GPI: variants seen among roughly 807,000 people sequenced by gnomAD.
GPI encodes D-hexose-6-phosphate anomerase.
GPI carries 56 observed loss-of-function variants against 75.8 expected under a neutral mutation model. That is an observed-to-expected ratio of 0.74 (90% CI 0.60 to 0.92). The LOEUF (loss-of-function observed/expected upper bound fraction) is 0.92. Among genes scored for constraint, GPI ranks in the 40% least tolerant of loss-of-function variants. GPI has a pLI of 0.00. For synonymous variants in GPI, 288 were observed against 285.4 expected (o/e 1.01, Z -0.09); for missense variants, 638 against 741.0 (o/e 0.86, Z 1.61).
At chr19:34,362,231 G>A (rs1300296066), upstream of GPI, among the ~76,000 whole-genome samples, 1 of 152,106 alleles carries the variant, frequency 6.6e-6, no homozygotes, top group Admixed American at 6.6e-5. Context: ...AGGTTGCAGG[G>A]AAGCAGAGGT....
intron 9 of GPI, among the ~76,000 whole-genome samples, chr19:34,383,656 G>A (rs2074688972): frequency 6.6e-6 from 1 of 152,188 alleles, no homozygotes; most frequent in African/African-American, 2.4e-5. Flanking sequence ...GAGCCCAGAT[G>A]CGGGAGAGGT....
intron 14 of GPI, chr19:34,397,795 C>T (rs2074966676): frequency 6.7e-6 from 1 of 150,356 alleles, no homozygotes; most frequent in Non-Finnish European, 1.5e-5. Flanking sequence ...GCATGAGCTA[C>T]CGTGCCTGGC....
rs1027864702 is a variant in GPI, at chr19:34,385,988, C to T, written c.804+4469C>T. On this transcript the variant is annotated intron_variant, in intron 9 of 17. Transcript: ENST00000356487. ...CAACTACAGGTAGGTAGAGCTGGCCCACTGGGTGTGGTTTGAGGAGCCAGG... is the reference window on the plus strand; with the variant it reads ...CAACTACAGGTAGGTAGAGCTGGCCTACTGGGTGTGGTTTGAGGAGCCAGG... Among the ~76,000 whole-genome samples, 4 of 149,440 alleles carry T rather than the reference C, an allele frequency of 2.7e-5. No individual in the cohort carries two copies. In the East Asian group the frequency reaches 8.1e-4, roughly 30 times the overall value.
At chr19:34,369,432 C>T (rs1260047725) in intron 4 of GPI, among the ~76,000 whole-genome samples, 1 of 152,060 alleles carries the variant, frequency 6.6e-6, no homozygotes, top group Admixed American at 6.6e-5. Context: ...CCTGGCTGGG[C>T]GCGATGGCTC....
In GPI at chr19:34,379,018, T is replaced by C. The variant is rs1345409882; in HGVS notation, c.705+13T>C. On this transcript the variant is annotated intron_variant, in intron 7 of 17. Transcript: ENST00000356487. ...GGCGGCCAAGGATGTGAGTGGGCTA[T>C]AGGGCCTTCCTCGTGGTTAGCCTCT... is the stretch of plus-strand genomic sequence containing the variant. 6.2e-7 allele frequency: 1 copy of C among 1,610,800 alleles called. No individual in the cohort carries two copies. The highest frequency in any genetic ancestry group is 1.3e-5 in the African/African-American group (1 of 74,892).
rs777848549 is a variant in GPI at position 34,365,259 on chromosome 19, G to T, written c.-8G>T. The T allele has an allele frequency of 6.4e-7, 1 of 1,565,146 alleles. No homozygotes were observed. The highest frequency in any genetic ancestry group is 1.8e-5 in the Admixed American group (1 of 55,726). On this transcript the variant is annotated 5_prime_UTR_variant, in exon 1 of 18. Coordinates refer to ENST00000356487, the MANE Select transcript of GPI (RefSeq NM_000175.5). ...CGCGTCTCACTCAGTGTACCTTCTA[G>T]TCCCGCCATGGCCGCTCTCACCCGG...
At chr19:34,397,873 TTTTG>T (rs1314675232) in intron 14 of GPI, 1 of 149,766 alleles carries the variant, frequency 6.7e-6, no homozygotes, top group African/African-American at 2.5e-5. Flanking sequence ...AAATCTCCCC[TTTTG>T]TTTATTTTAT....
chr19:34,380,341 T>C (rs1299681345), intron 8 of GPI, among the ~76,000 whole-genome samples: 1 of 152,070 alleles, frequency 6.6e-6, no homozygotes, highest in East Asian at 1.9e-4. Context: ...TAGAGTGCAG[T>C]GGTACGATCT....
At chr19:34,365,934 G>A (rs1720443651) in intron 1 of GPI, 2 of 487,464 alleles carry the variant, frequency 4.1e-6, no homozygotes, top group Non-Finnish European at 4.0e-6. Flanking sequence ...GCGGGAGTGC[G>A]GCCAAGGGAG....
At chr19:34,377,433 G>C (rs2074563403) in intron 4 of GPI, 70 bp from the exon 5 acceptor site, 1 of 1,127,522 alleles carries the variant, frequency 8.9e-7, no homozygotes, top group African/African-American at 1.5e-5. Flanking sequence ...GGACACGGCA[G>C]TAATGATGTT....
chr19:34,368,160 A>G (rs1036147145), intron 3 of GPI, among the ~76,000 whole-genome samples: 3 of 152,204 alleles, frequency 2.0e-5, no homozygotes, highest in Non-Finnish European at 4.4e-5. Context: ...ACCTCAAGTT[A>G]TCCACCTGCC....
chr19:34,376,488 C>A (rs2074537809), intron 4 of GPI, among the ~76,000 whole-genome samples: 1 of 150,700 alleles, frequency 6.6e-6, no homozygotes, highest in Non-Finnish European at 1.5e-5. Flanking sequence ...ACCCTGGAGC[C>A]TGGAGGCGGA....
rs1232259568 is a variant in GPI, at chr19:34,377,528, G to A, written c.428G>A (p.Gly143Glu). Residue 143 changes from glycine (G) to glutamate (E), a missense_variant, in exon 5 of 18, where the codon GGG becomes GAG. Gly to Glu is a moderately conservative substitution (Grantham distance 98, BLOSUM62 -2). Transcript: ENST00000356487. ...CQRVRSGDWKGYTGKTITDVI... is the reference protein window; with the variant it reads ...CQRVRSGDWKEYTGKTITDVI... ...CGTGTCCGGAGCGGTGACTGGAAGG[G>A]GTACACAGGCAAGACCATCACGGAC... is the stretch of plus-strand genomic sequence containing the variant. 6.2e-7 allele frequency: 1 copy of A among 1,612,794 alleles called. No homozygotes were observed. Among genetic ancestry groups the A allele is most frequent in the Admixed American group, 1.7e-5 (1 of 59,852 alleles).
intron 4 of GPI, among the ~76,000 whole-genome samples, chr19:34,372,883 C>A (rs996356429): frequency 3.3e-4 from 50 of 152,020 alleles, no homozygotes; most frequent in African/African-American, 1.2e-3. Context: ...AAGCGATTCT[C>A]CTGCCTCAGC....
chr19:34,364,384 C>CT (rs555720207), upstream of GPI, among the ~76,000 whole-genome samples: 16,853 of 139,308 alleles, frequency 0.12, 1,719 homozygotes, highest in African/African-American at 0.28. Flanking sequence ...CTGACCTCAT[C>CT]TTTTTTTTTT....
rs567939051 is a variant in GPI, at chr19:34,400,631, G to A, written c.*595G>A. On this transcript the variant is annotated 3_prime_UTR_variant, in exon 18 of 18. Transcript: ENST00000356487. ...GTTCTAAAAACTGCATTGAGATTAT[G>A]TTTGTTTCGGGTGAATTCCTGGACA... 3 of 407,852 alleles carry A rather than the reference G, an allele frequency of 7.4e-6. No homozygotes were observed. Among genetic ancestry groups the A allele is most frequent in the African/African-American group, 4.1e-5 (2 of 48,826 alleles). 25.3% of individuals were successfully genotyped at this position (407,852 alleles called of 1,614,324 possible).
At chr19:34,367,918 G>GTTTATTTA (rs149929475) in intron 3 of GPI, among the ~76,000 whole-genome samples, 1 of 152,140 alleles carries the variant, frequency 6.6e-6, no homozygotes, top group African/African-American at 2.4e-5. Flanking sequence ...TTCGGAAAGC[G>GTTTATTTA]TTTATTTATT....
At chr19:34,386,040 C>T (rs1174990967) in intron 9 of GPI, among the ~76,000 whole-genome samples, 1 of 151,570 alleles carries the variant, frequency 6.6e-6, no homozygotes, top group Non-Finnish European at 1.5e-5. Flanking sequence ...AAAGCTGGCC[C>T]ACCAGGTATG....
At chr19:34,390,131 G>C (rs1322060285) in intron 9 of GPI, among the ~76,000 whole-genome samples, 1 of 152,144 alleles carries the variant, frequency 6.6e-6, no homozygotes, top group Non-Finnish European at 1.5e-5. Context: ...TGAGGAGTTG[G>C]GAATGGGCAC....
Sources: allele counts gnomAD v4.1 joint callset (sites outside exome capture counted in the v4.1 genomes callset), GRCh38; gene constraint gnomAD v4.1.1; transcripts MANE v1.5; gene names NCBI Gene and HGNC (gene_info 2026-07-23, HGNC 2026-07-21).